BNIP3: variants seen among roughly 807,000 people sequenced by gnomAD.
BNIP3 encodes the protein BCL2 interacting protein 3, also known as BCL2/adenovirus E1B 19 kDa protein-interacting protein 3.
In BNIP3, 16 loss-of-function variants were observed where a neutral mutation model predicts 23.9. The observed-to-expected ratio is 0.67, with a 90% CI of 0.45 to 1.01. The LOEUF (loss-of-function observed/expected upper bound fraction) is 1.01. BNIP3 is among the 50% of genes least tolerant of loss of function. The probability of loss-of-function intolerance (pLI) is 0.00; values close to 1 mark genes in which losing one functional copy is unlikely to be tolerated. For missense variants in BNIP3, 198 were observed against 248.7 expected (o/e 0.80, Z 1.37); for synonymous variants, 81 against 89.3 (o/e 0.91, Z 0.53).
rs1356022874 is a variant in BNIP3, at chr10:131,972,884, T to C, written c.282+150A>G. 8.3e-6 allele frequency: 6 copies of C among 725,500 alleles called. No homozygotes were observed. The East Asian group carries it at 1.8e-4, about 22-fold the overall frequency. The allele number at this position is 725,500 out of a possible 1,614,324, so 44.9% of individuals were successfully genotyped here. The stretch of plus-strand genomic sequence containing the variant: ...GATGTTCCCACCCACAGTTTCTTGG[T>C]TTTTTTGTTTCGCTTTTTTGTTTTT... On this transcript the variant is annotated intron_variant, in intron 3 of 5. Transcript: ENST00000368636.
intron 2 of BNIP3, 85 bp from the exon 3 acceptor site, chr10:131,973,203 C>G: frequency 7.2e-7 from 1 of 1,395,040 alleles, no homozygotes; most frequent in Non-Finnish European, 1.0e-6. Context: ...GGCAGTGAAC[C>G]GCCTCCGTGA....
chr10:131,973,807 G>C lies in BNIP3; in HGVS notation c.183C>G (p.Ser61Arg). ...QHESGRSSSK[S>R]SHCDSPPRSQ... The stretch of plus-strand genomic sequence containing the variant: ...TGCGCGCCTACCTGTCACAGTGAGA[G>C]CTCTTGGAGCTACTCCGTCCAGACT... The change falls in exon 2 of 6, where the codon AGC (serine) becomes AGG (arginine). Residue 61 changes from serine to arginine, a missense_variant. By Grantham distance (110) the Ser-to-Arg change is moderately radical. Transcript: ENST00000368636. The C allele has an allele frequency of 4.3e-6, 7 of 1,612,368 alleles. No individual in the cohort carries two copies. The highest frequency in any genetic ancestry group is 5.9e-6 in the Non-Finnish European group (7 of 1,180,006).
At chr10:131,978,294 G>A (rs1472645731) in intron 1 of BNIP3, among the ~76,000 whole-genome samples, 1 of 150,560 alleles carries the variant, frequency 6.6e-6, no homozygotes, top group East Asian at 1.9e-4. Context: ...TTATATCACA[G>A]TACAAAAAGA....
At position 131,970,666 on chromosome 10, in the gene BNIP3, G is replaced by A. The variant is rs2037022433; in HGVS notation, c.511C>T (p.Leu171Phe). Residue 171 changes from leucine to phenylalanine, a missense_variant, in exon 5 of 6, where the codon CTC (leucine) becomes TTC (phenylalanine). By Grantham distance (22) the Leu-to-Phe change is conservative. Transcript: ENST00000368636. This position sits in a 1 kb window ranked among gnomAD's most constrained non-coding sequence, Gnocchi z 4.1. ...AATCCGATGGCCAGCAAATGAGAGA[G>A]CAGCAGAGATGGAAGGAAAACTTTC... ...FLKVFLPSLLLSHLLAIGLGI... is the reference protein window; with the variant it reads ...FLKVFLPSLLFSHLLAIGLGI... The A allele has an allele frequency of 1.2e-6, 2 of 1,614,042 alleles. No homozygotes were observed. The highest frequency in any genetic ancestry group is 1.7e-6 in the Non-Finnish European group (2 of 1,180,032).
Position 131,970,886 on chromosome 10 carries a change from G to C in BNIP3, c.367C>G (p.Arg123Gly), listed in dbSNP as rs913437425. The change falls in exon 4 of 6, where the codon CGG (arginine) becomes GGG (glycine). Residue 123 changes from arginine (R) to glycine (G), a missense_variant. By Grantham distance (125) the Arg-to-Gly change is moderately radical (BLOSUM62 -2). Coordinates refer to ENST00000368636, the MANE Select transcript of BNIP3 (RefSeq NM_004052.4). This position sits in a 1 kb window ranked among gnomAD's most constrained non-coding sequence, Gnocchi z 4.1. ...CACTTGGGGGGAATATTTTCCGGCC[G>C]ACTTGACCAATCCCATATCCAATCT... ...NSDWIWDWSS[R>G]PENIPPKEFL... 2 of 1,614,110 alleles carry C rather than the reference G, an allele frequency of 1.2e-6. No individual in the cohort carries two copies. Among genetic ancestry groups the C allele is most frequent in the Non-Finnish European group, 1.7e-6 (2 of 1,180,048 alleles).
At chr10:131,978,702 GT>G (rs2037097583) in intron 1 of BNIP3, among the ~76,000 whole-genome samples, 1 of 152,204 alleles carries the variant, frequency 6.6e-6, no homozygotes, top group Non-Finnish European at 1.5e-5. Flanking sequence ...CACTCTGAAA[GT>G]GACTATTTGG....
Position 131,968,374 on chromosome 10 carries a change from CTTTTA to C in BNIP3, c.*145_*149del, listed in dbSNP as rs1256199228. 2 of 656,580 alleles carry C rather than the reference CTTTTA, an allele frequency of 3.0e-6. No individual in the cohort carries two copies. Among genetic ancestry groups the C allele is most frequent in the Admixed American group, 5.3e-5 (2 of 37,806 alleles). 40.7% of individuals were successfully genotyped at this position (656,580 alleles called of 1,614,324 possible). A position where few individuals can be genotyped will look rare whatever the true frequency, so the allele number is the denominator to read the frequency against. On this transcript the variant is annotated 3_prime_UTR_variant, in exon 6 of 6. Transcript: ENST00000368636. ...GATCAACATGATTTTAGTGTCTATTCTTTTATTTTACTAAATTAGGAACGCAGCAT... is the reference window on the plus strand; with the variant it reads ...GATCAACATGATTTTAGTGTCTATTCTTTTACTAAATTAGGAACGCAGCAT...
chr10:131,971,145 C>T (rs565573160), intron 3 of BNIP3, 175 bp from the exon 4 acceptor site: 38 of 622,930 alleles, frequency 6.1e-5, no homozygotes, highest in Admixed American at 2.0e-4. Flanking sequence ...TTCCCCGGGC[C>T]GCGCCGCACT....
In BNIP3 at chr10:131,968,441, C is replaced by T. The variant is rs933412456; in HGVS notation, c.*83G>A. The T allele has an allele frequency of 2.5e-6, 3 of 1,181,822 alleles. No homozygotes were observed. Among genetic ancestry groups the T allele is most frequent in the Non-Finnish European group, 2.5e-6 (2 of 796,408 alleles). The allele number at this position is 1,181,822 out of a possible 1,614,324, so 73.2% of individuals were successfully genotyped here. On this transcript the variant is annotated 3_prime_UTR_variant, in exon 6 of 6. Coordinates refer to ENST00000368636, the MANE Select transcript of BNIP3 (RefSeq NM_004052.4). ...ATAAACACAAGTGACGTGGCCACCC[C>T]AGGATCTAACAGCTCTTCAGTGAGC...
intron 1 of BNIP3, among the ~76,000 whole-genome samples, chr10:131,974,917 CTAAAAGTGCAATTCTGGGAT>C (rs1186189778): frequency 1.3e-5 from 2 of 152,170 alleles, no homozygotes; most frequent in Non-Finnish European, 2.9e-5. Context: ...TCCCTTACTG[CTAAAAGTGCAATTCTGGGAT>C]AATTCTGTAT....
intron 1 of BNIP3, 56 bp from the exon 2 acceptor site, chr10:131,973,999 G>A: frequency 6.2e-7 from 1 of 1,601,058 alleles, no homozygotes; most frequent in Non-Finnish European, 8.5e-7. Flanking sequence ...TCTGGAATCT[G>A]CTCTTGATAT....
Position 131,981,747 on chromosome 10 carries a change from C to T in BNIP3, c.46+14G>A. 6.8e-7 allele frequency: 1 copy of T among 1,467,468 alleles called. No individual in the cohort carries two copies. Among genetic ancestry groups the T allele is most frequent in the Non-Finnish European group, 9.0e-7 (1 of 1,114,614 alleles). 90.9% of individuals were successfully genotyped at this position (1,467,468 alleles called of 1,614,324 possible). A position where few individuals can be genotyped will look rare whatever the true frequency, so the allele number is the denominator to read the frequency against. On this transcript the variant is annotated intron_variant, in intron 1 of 5. Transcript: ENST00000368636. ...CGCGCCCCCTCGGCTCCCGCGCCGC[C>T]TCCTCCGCCTCACCCTGCAGGCTCT...
rs369334938 is a variant in BNIP3, at chr10:131,970,584, C to A, written c.539+54G>T. 616 of 1,589,668 alleles carry A rather than the reference C, an allele frequency of 3.9e-4. 4 individuals are homozygous for A. The South Asian group carries it at 6.4e-3, about 17-fold the overall frequency. On this transcript the variant is annotated intron_variant, in intron 5 of 5. Transcript: ENST00000368636. This position sits in a 1 kb window ranked among gnomAD's most constrained non-coding sequence, Gnocchi z 4.1. ...CAGGTTACGAATAAATCACTGCAACCCAGAATCGCCCCACGACATGCCATG... is the reference window on the plus strand; with the variant it reads ...CAGGTTACGAATAAATCACTGCAACACAGAATCGCCCCACGACATGCCATG...
At chr10:131,974,587 C>T (rs2037066088) in intron 1 of BNIP3, among the ~76,000 whole-genome samples, 1 of 152,164 alleles carries the variant, frequency 6.6e-6, no homozygotes, top group South Asian at 2.1e-4. Flanking sequence ...GCTATATTGC[C>T]CAGGCTAGTC....
At chr10:131,979,666 G>C (rs776093652) in intron 1 of BNIP3, among the ~76,000 whole-genome samples, 1 of 152,072 alleles carries the variant, frequency 6.6e-6, no homozygotes, top group Non-Finnish European at 1.5e-5. Flanking sequence ...AGTAAGACTG[G>C]GCTTGTAAAA....
In BNIP3 at chr10:131,973,044, T is replaced by G; in HGVS notation, c.272A>C (p.Asn91Thr). ...ETDTHSIGEK[N>T]SSQSEEDDIE... Reference sequence around the variant, plus strand: ...CTCCTTCCAGCTTACCTGTGAGCTGTTTTTCTCTCCAATGCTATGGGTATC... The same window carrying G: ...CTCCTTCCAGCTTACCTGTGAGCTGGTTTTCTCTCCAATGCTATGGGTATC... Residue 91 changes from asparagine (N) to threonine (T), a missense_variant, in exon 3 of 6, where the codon AAC (asparagine) becomes ACC (threonine). Physicochemically the swap from Asn to Thr is moderately conservative, Grantham distance 65. Coordinates refer to ENST00000368636, the MANE Select transcript of BNIP3 (RefSeq NM_004052.4). The G allele has an allele frequency of 1.2e-6, 2 of 1,613,384 alleles. No homozygotes were observed. The highest frequency in any genetic ancestry group is 1.1e-5 in the South Asian group (1 of 91,072).
chr10:131,979,391 G>C (rs2037101986), intron 1 of BNIP3, among the ~76,000 whole-genome samples: 1 of 152,220 alleles, frequency 6.6e-6, no homozygotes, highest in South Asian at 2.1e-4. Flanking sequence ...GCCAGTTGCA[G>C]ACACAGCAGT....
intron 5 of BNIP3, chr10:131,969,679 G>C (rs1035007590): frequency 6.6e-6 from 1 of 152,338 alleles, no homozygotes; most frequent in East Asian, 1.9e-4. Flanking sequence ...GTGGCATTCC[G>C]GTCTTTCCAG....
At chr10:131,977,094 G>A (rs1024480873) in intron 1 of BNIP3, among the ~76,000 whole-genome samples, 83 of 152,110 alleles carry the variant, frequency 5.5e-4, no homozygotes, top group African/African-American at 2.0e-3. Context: ...CCAACATGGT[G>A]AAACCCCGTC....
Sources: allele counts gnomAD v4.1 joint callset (sites outside exome capture counted in the v4.1 genomes callset), GRCh38; gene constraint gnomAD v4.1.1; non-coding constraint Gnocchi (gnomAD v3.1); transcripts MANE v1.5; gene names NCBI Gene and HGNC (gene_info 2026-07-23, HGNC 2026-07-21).